Variants in ETV4 observed in about 807,000 individuals in gnomAD.
ETV4 encodes the protein ETS translocation variant 4.
Under a neutral mutation model 65.9 loss-of-function variants are expected in ETV4, and 42 were observed. That is an observed-to-expected ratio of 0.64 (90% confidence interval 0.50 to 0.82). ETV4 has a LOEUF of 0.82. ETV4 is among the 40% of genes least tolerant of loss of function. The pLI, the probability that ETV4 is intolerant of heterozygous loss-of-function variation, is 0.00. For synonymous variants in ETV4, 238 were observed against 260.0 expected (o/e 0.92, Z 0.81); for missense variants, 583 against 630.3 (o/e 0.92, Z 0.80).
chr17:43,539,841 A>G (rs547212215), intron 4 of ETV4, among the ~76,000 whole-genome samples: 1 of 152,348 alleles, frequency 6.6e-6, no homozygotes, highest in African/African-American at 2.4e-5. Context: ...TTCTTCAACA[A>G]TTTGCTTTAA....
At chr17:43,530,748 G>A (rs1300745197) in intron 8 of ETV4, among the ~76,000 whole-genome samples, 1 of 152,036 alleles carries the variant, frequency 6.6e-6, no homozygotes, top group Non-Finnish European at 1.5e-5. Flanking sequence ...CCATTCCATA[G>A]GATAGGAACC....
At chr17:43,532,348 A>G (rs1885980109) in intron 8 of ETV4, among the ~76,000 whole-genome samples, 1 of 152,042 alleles carries the variant, frequency 6.6e-6, no homozygotes. Flanking sequence ...AAAATACAAA[A>G]ATTAGCCGGG....
chr17:43,529,188 CG>C lies in ETV4; in HGVS notation c.1176del (p.Tyr392Ter), dbSNP rs772170201. ...TATCGGAGCGAGCGGCTCAGCTTGTCGTAATTCATGGCTGGCCGGTTCTTCT... is the reference window on the plus strand; with the variant it reads ...TATCGGAGCGAGCGGCTCAGCTTGTCTAATTCATGGCTGGCCGGTTCTTCT... ...GIQKNRPAMN[Y>X]DKLSRSLRYY... is the part of the protein sequence containing the mutation. On this transcript the variant is annotated frameshift_variant, in exon 12 of 13. Transcript: ENST00000319349. LOFTEE classifies it high-confidence loss of function. 6.2e-7 allele frequency: 1 copy of C among 1,613,814 alleles called. No individual in the cohort carries two copies. Among genetic ancestry groups the C allele is most frequent in the Non-Finnish European group, 8.5e-7 (1 of 1,180,006 alleles).
At chr17:43,540,747 C>T (rs1971477768) in intron 4 of ETV4, among the ~76,000 whole-genome samples, 1 of 152,158 alleles carries the variant, frequency 6.6e-6, no homozygotes, top group African/African-American at 2.4e-5. Flanking sequence ...AGCCAGGCTC[C>T]CCACTGTGCC....
chr17:43,534,916 G>A (rs1267809783), intron 5 of ETV4, among the ~76,000 whole-genome samples: 1 of 152,208 alleles, frequency 6.6e-6, no homozygotes, highest in Non-Finnish European at 1.5e-5. Flanking sequence ...ACTCCAGCCT[G>A]GGCAACAAGA....
chr17:43,542,244 T>C (rs1002451395), intron 4 of ETV4, among the ~76,000 whole-genome samples: 1 of 152,154 alleles, frequency 6.6e-6, no homozygotes, highest in Non-Finnish European at 1.5e-5. Context: ...CCTTTATGTA[T>C]GGTGCACTTC....
At chr17:43,537,076 T>C (rs1598208105) in intron 4 of ETV4, among the ~76,000 whole-genome samples, 1 of 152,144 alleles carries the variant, frequency 6.6e-6, no homozygotes, top group East Asian at 1.9e-4. Context: ...AAAAATCACA[T>C]AGGAGGCGGC....
chr17:43,529,098 C>T, intron 12 of ETV4, 37 bp downstream of exon 12: 4 of 1,593,086 alleles, frequency 2.5e-6, no homozygotes, highest in Non-Finnish European at 3.4e-6. Context: ...ACAGCCACTG[C>T]CCCCCACCAC....
intron 8 of ETV4, 115 bp downstream of exon 8, chr17:43,532,559 G>A: frequency 1.1e-6 from 1 of 925,210 alleles, no homozygotes; most frequent in Non-Finnish European, 1.6e-6. Context: ...AAAAAAGTGG[G>A]TGGGTGGGTT....
rs149106066 is a variant in ETV4, at chr17:43,536,765, G to T, written c.203-286C>A. 6.0e-3 allele frequency among the ~76,000 whole-genome samples: 907 copies of T among 152,346 alleles called. 11 individuals carry two copies. The highest frequency in any genetic ancestry group is 0.02 in the African/African-American group (846 of 41,564). On this transcript the variant is annotated intron_variant, in intron 4 of 12. Transcript: ENST00000319349. ...CTGGGCCGCATTCAAAGCTACCCTG[G>T]GCTGAAAGTGGCCCACAGGCCCACG...
At chr17:43,545,894 T>C in intron 1 of ETV4, 2 of 566,440 alleles carry the variant, frequency 3.5e-6, no homozygotes, top group South Asian at 4.0e-5. Flanking sequence ...CGTTTCTGCT[T>C]TCTGCAGCCC....
intron 9 of ETV4, 36 bp downstream of exon 9, chr17:43,530,071 A>T (rs746215432): frequency 6.2e-7 from 1 of 1,609,180 alleles, no homozygotes; most frequent in Non-Finnish European, 8.5e-7. Flanking sequence ...CTCCCCCAAC[A>T]TGGAGGGCTT....
Position 43,529,597 on chromosome 17 carries a change from T to C in ETV4, c.1035A>G (p.Gln345=), listed in dbSNP as rs143012197. ...YQRRGALQLW[Q]FLVALLDDPT... is the part of the protein sequence containing the mutation. ...GGTCATCCAGCAAGGCCACCAGAAA[T>C]TGCCACAGCTGCAGGGCACCCCGGC... The change falls in exon 11 of 13, where the codon CAA becomes CAG. Residue 345 remains glutamine, a synonymous_variant. Transcript: ENST00000319349. 2.0e-5 allele frequency: 33 copies of C among 1,613,802 alleles called. No individual in the cohort carries two copies. The highest frequency in any genetic ancestry group is 2.5e-5 in the Non-Finnish European group (30 of 1,179,994).
At chr17:43,536,593 AG>A in intron 4 of ETV4, 114 bp from the exon 5 acceptor site, 3 of 815,582 alleles carry the variant, frequency 3.7e-6, no homozygotes, top group Non-Finnish European at 2.1e-6. Flanking sequence ...AACAGCCTTT[AG>A]ATCAGGGGTG....
chr17:43,542,208 A>C (rs994632050), intron 4 of ETV4, among the ~76,000 whole-genome samples: 2 of 152,128 alleles, frequency 1.3e-5, no homozygotes, highest in Non-Finnish European at 2.9e-5. Flanking sequence ...GCTATGGGTC[A>C]TTCTCTTCCT....
chr17:43,529,261 A>G, intron 11 of ETV4, 25 bp from the exon 12 acceptor site: 1 of 1,610,672 alleles, frequency 6.2e-7, no homozygotes, highest in Non-Finnish European at 8.5e-7. Flanking sequence ...GTTTTGGGGT[A>G]GAGATGCTAC....
Position 43,532,790 on chromosome 17 carries a change from G to C in ETV4, c.695C>G (p.Pro232Arg). Residue 232 changes from proline to arginine, a missense_variant, in exon 8 of 13, where the codon CCC (proline) becomes CGC (arginine). Coordinates refer to ENST00000319349, the MANE Select transcript of ETV4 (RefSeq NM_001079675.5). ...QQSFKQEYHD[P>R]LYEQAGQPAV... ...TGGCTGGCCCGCCTGTTCATACAGG[G>C]GATCATGGTATTCTTGCTTAAAGCT... 6.2e-7 allele frequency: 1 copy of C among 1,614,008 alleles called. No homozygotes were observed. The highest frequency in any genetic ancestry group is 1.1e-5 in the South Asian group (1 of 91,070).
intron 4 of ETV4, among the ~76,000 whole-genome samples, chr17:43,537,670 TG>T (rs1971315460): frequency 6.6e-6 from 1 of 151,328 alleles, no homozygotes; most frequent in Admixed American, 6.6e-5. Flanking sequence ...CACTCCAGCC[TG>T]GGTGACAAAG....
In ETV4 at chr17:43,532,912, A is replaced by C; in HGVS notation, c.573T>G (p.Ile191Met). ...CTCCCTGAGATGTGAAGGAGTGGCA[A>C]ATGTCCAGGGGCTGCTGGAAGACGG... Reference protein sequence around the residue: ...HSSVFQQPLDICHSFTSQGGG... With the variant: ...HSSVFQQPLDMCHSFTSQGGG... The change falls in exon 8 of 13, where the codon ATT becomes ATG. Residue 191 changes from isoleucine (I) to methionine (M), a missense_variant. By Grantham distance (10) the Ile-to-Met change is conservative. Transcript: ENST00000319349. 1 of 1,588,888 alleles carries C rather than the reference A, an allele frequency of 6.3e-7. No individual in the cohort carries two copies. Among genetic ancestry groups the C allele is most frequent in the Non-Finnish European group, 8.6e-7 (1 of 1,165,976 alleles).
Sources: allele counts gnomAD v4.1 joint callset (sites outside exome capture counted in the v4.1 genomes callset), GRCh38; gene constraint gnomAD v4.1.1; transcripts MANE v1.5; gene names NCBI Gene and HGNC (gene_info 2026-07-23, HGNC 2026-07-21).